PFN4: variants seen among roughly 807,000 people sequenced by gnomAD.
PFN4 encodes the protein profilin-4.
PFN4 carries 10 observed loss-of-function variants against 16.3 expected under a neutral mutation model. That is an observed-to-expected ratio of 0.61 (90% confidence interval 0.38 to 1.04). The LOEUF is 1.04. PFN4 is among the 50% of genes least tolerant of loss of function. The pLI is 0.01. For missense variants in PFN4, 136 were observed against 153.6 expected (o/e 0.89, Z 0.61); for synonymous variants, 54 against 56.9 (o/e 0.95, Z 0.23).
Position 24,122,469 on chromosome 2 carries a change from G to A in PFN4, c.67C>T (p.Leu23Phe), listed in dbSNP as rs1208853872. The A allele has an allele frequency of 6.2e-7, 1 of 1,614,152 alleles. No homozygotes were observed. Among genetic ancestry groups the A allele is most frequent in the East Asian group, 2.2e-5 (1 of 44,888 alleles). ...AAGCTCCGCTCCTGGATTTTGATGA[G>A]GGCTGCACTGTCCACATGCTTGGTT... ...LGTKHVDSAA[L>F]IKIQERSLCV... is the part of the protein sequence containing the mutation. The change falls in exon 2 of 5, where the codon CTC becomes TTC. Residue 23 changes from leucine to phenylalanine, a missense_variant. Leu to Phe is a conservative substitution (Grantham distance 22). Transcript: ENST00000313213.
At chr2:24,119,441 A>G in intron 4 of PFN4, 136 bp downstream of exon 4, 1 of 617,568 alleles carries the variant, frequency 1.6e-6, no homozygotes. Flanking sequence ...TCCAGTGGCT[A>G]TGTAAATAAC....
At chr2:24,120,140 G>A (rs1473648418) in intron 3 of PFN4, among the ~76,000 whole-genome samples, 1 of 152,042 alleles carries the variant, frequency 6.6e-6, no homozygotes, top group African/African-American at 2.4e-5. Flanking sequence ...GTGGTGGCAG[G>A]CGCCTGTAAC....
In PFN4 at chr2:24,121,307, A is replaced by C. The variant is rs765897780; in HGVS notation, c.118-7T>G. On this transcript the variant is annotated splice_region_variant and splice_polypyrimidine_tract_variant and intron_variant, in intron 2 of 4. Coordinates refer to ENST00000313213, the MANE Select transcript of PFN4 (RefSeq NM_199346.3). ...GGACATCACTGGGCGTTACCTGGAG[A>C]GGTTACATGGTTAGAGCAGGAGTCA... The C allele has an allele frequency of 1.9e-6, 3 of 1,613,724 alleles. No homozygotes were observed. The highest frequency in any genetic ancestry group is 1.7e-6 in the Non-Finnish European group (2 of 1,179,904).
At chr2:24,120,620 A>C (rs1303020424) in intron 3 of PFN4, among the ~76,000 whole-genome samples, 1 of 152,046 alleles carries the variant, frequency 6.6e-6, no homozygotes, top group Non-Finnish European at 1.5e-5. Flanking sequence ...CAATGGCACG[A>C]TCTCGGCTCA....
At chr2:24,120,833 G>A (rs1352028986) in intron 3 of PFN4, among the ~76,000 whole-genome samples, 1 of 151,850 alleles carries the variant, frequency 6.6e-6, no homozygotes, top group South Asian at 2.1e-4. Flanking sequence ...CACTGTGCCT[G>A]GCCACTGAGA....
At chr2:24,115,737 G>A in intron 4 of PFN4, 126 bp from the exon 5 acceptor site, 9 of 1,005,986 alleles carry the variant, frequency 8.9e-6, no homozygotes, top group Non-Finnish European at 1.4e-5. Context: ...ACTGTGCTAG[G>A]TACTGGAGAA....
At chr2:24,117,425 G>A (rs1178831350) in intron 4 of PFN4, among the ~76,000 whole-genome samples, 1 of 150,916 alleles carries the variant, frequency 6.6e-6, no homozygotes, top group Non-Finnish European at 1.5e-5. Flanking sequence ...ATTTTTAAAT[G>A]GTCATAGTTC....
Sources: gnomAD v4.1 joint callset for allele counts (sites outside exome capture counted in the v4.1 genomes callset) on GRCh38, gnomAD v4.1.1 for gene constraint, MANE v1.5 for transcripts, NCBI Gene and HGNC (gene_info 2026-07-23, HGNC 2026-07-21) for gene names.